Variants in DLG2 observed in about 807,000 individuals in gnomAD.
DLG2 encodes the protein discs large MAGUK scaffold protein 2, also known as disks large homolog 2.
In DLG2, 45 loss-of-function variants were observed where a neutral mutation model predicts 132.5. The observed-to-expected ratio is 0.34, with a 90% CI of 0.27 to 0.44. The LOEUF (loss-of-function observed/expected upper bound fraction) is 0.44. Ranked by LOEUF, DLG2 falls within the 20% of genes least tolerant of loss-of-function variation. DLG2 has a pLI of 1.00. For missense variants in DLG2, 1,045 were observed against 1,196.9 expected (o/e 0.87, Z 1.87); for synonymous variants, 424 against 419.6 (o/e 1.01, Z -0.13).
At chr11:84,599,079 T>C (rs948322818) in intron 6 of DLG2, among the ~76,000 whole-genome samples, 5 of 151,512 alleles carry the variant, frequency 3.3e-5, no homozygotes, top group African/African-American at 1.2e-4. Context: ...ACCCCATCTC[T>C]ACTAAAAATA....
At chr11:84,471,039 C>G (rs2099107131) in intron 7 of DLG2, among the ~76,000 whole-genome samples, 2 of 151,746 alleles carry the variant, frequency 1.3e-5, no homozygotes, top group Non-Finnish European at 3.0e-5. Flanking sequence ...GAGCTAAAAT[C>G]CCCAATAAAC....
chr11:83,821,236 A>G lies in DLG2; in HGVS notation c.1722+12378T>C, dbSNP rs146676883. On this transcript the variant is annotated intron_variant, in intron 17 of 27. Transcript: ENST00000376104. ...GAAAGGGCCAATGCTGCCCTTGGGAATTTGAAAGAGAGAAGCAGCTCATGT... is the reference window on the plus strand; with the variant it reads ...GAAAGGGCCAATGCTGCCCTTGGGAGTTTGAAAGAGAGAAGCAGCTCATGT... Among the ~76,000 whole-genome samples the G allele has an allele frequency of 4.6e-5, 7 of 152,288 alleles. No homozygotes were observed. The East Asian group carries it at 1.4e-3, about 29-fold the overall frequency.
At position 84,978,111 on chromosome 11, in the gene DLG2, C is replaced by G. The variant is rs555479140; in HGVS notation, c.357+133550G>C. Among the ~76,000 whole-genome samples, 96 of 152,198 alleles carry G rather than the reference C, an allele frequency of 6.3e-4. 1 individual carries two copies. Among genetic ancestry groups the G allele is most frequent in the South Asian group, 3.7e-3 (18 of 4,822 alleles). The stretch of plus-strand genomic sequence containing the variant: ...TATTGTTTATATTTGTTAAGGTACA[C>G]TGAAAATGTACTTCAAAATTGCCTA... On this transcript the variant is annotated intron_variant, in intron 6 of 27. Transcript: ENST00000376104.
chr11:85,005,292 C>T (rs2058554105), intron 6 of DLG2, among the ~76,000 whole-genome samples: 1 of 152,224 alleles, frequency 6.6e-6, no homozygotes, highest in African/African-American at 2.4e-5. Flanking sequence ...ATGGGGATAG[C>T]ATCAAATCTA....
chr11:85,025,889 CAATAA>C (rs1304417970), intron 6 of DLG2, among the ~76,000 whole-genome samples: 1 of 151,708 alleles, frequency 6.6e-6, no homozygotes, highest in Non-Finnish European at 1.5e-5. Context: ...AAAAGATAAT[CAATAA>C]ATGTTTTAGA....
intron 9 of DLG2, among the ~76,000 whole-genome samples, chr11:84,118,602 G>A (rs1205694944): frequency 6.6e-6 from 1 of 152,146 alleles, no homozygotes; most frequent in African/African-American, 2.4e-5. Flanking sequence ...TAAATAAACT[G>A]AATTAAAGTG....
At chr11:84,593,871 T>C (rs901334348) in intron 6 of DLG2, among the ~76,000 whole-genome samples, 1 of 152,216 alleles carries the variant, frequency 6.6e-6, no homozygotes, top group Non-Finnish European at 1.5e-5. Context: ...CCATCTTTGA[T>C]AGCATTAGCA....
intron 21 of DLG2, among the ~76,000 whole-genome samples, chr11:83,503,947 A>G (rs911234819): frequency 2.6e-5 from 4 of 152,202 alleles, no homozygotes; most frequent in African/African-American, 4.8e-5. Flanking sequence ...TACACCTAAC[A>G]TAATACAACT....
intron 6 of DLG2, among the ~76,000 whole-genome samples, chr11:84,671,926 C>T (rs1262306996): frequency 6.6e-6 from 1 of 152,058 alleles, no homozygotes; most frequent in Non-Finnish European, 1.5e-5. Flanking sequence ...TTTCTGTGTT[C>T]CCTGGATGGA....
intron 3 of DLG2, among the ~76,000 whole-genome samples, chr11:85,583,843 A>G (rs560085067): frequency 6.6e-6 from 1 of 152,180 alleles, no homozygotes; most frequent in African/African-American, 2.4e-5. Context: ...TACATGCCTC[A>G]GTGTATTGGG....
chr11:84,826,989 T>C (rs1209874832), intron 6 of DLG2, among the ~76,000 whole-genome samples: 2 of 151,798 alleles, frequency 1.3e-5, no homozygotes, highest in Non-Finnish European at 2.9e-5. Context: ...AGAGACTGGA[T>C]TGAAGAGTAT....
intron 21 of DLG2, among the ~76,000 whole-genome samples, chr11:83,498,328 G>C (rs1565484146): frequency 6.6e-6 from 1 of 151,936 alleles, no homozygotes; most frequent in Non-Finnish European, 1.5e-5. Context: ...CCAATTATTA[G>C]AAAATCTTTA....
chr11:85,190,600 G>A (rs1029204249), intron 4 of DLG2, among the ~76,000 whole-genome samples: 1 of 151,852 alleles, frequency 6.6e-6, no homozygotes, highest in Non-Finnish European at 1.5e-5. Context: ...AAATAAACAA[G>A]ATTGATAGAT....
intron 4 of DLG2, among the ~76,000 whole-genome samples, chr11:85,251,532 A>G (rs879472724): frequency 9.9e-5 from 15 of 152,174 alleles, no homozygotes; most frequent in Non-Finnish European, 2.2e-4. Context: ...TGATCATCTT[A>G]AAACACCCTA....
intron 6 of DLG2, among the ~76,000 whole-genome samples, chr11:85,033,916 C>G (rs2061230550): frequency 6.6e-6 from 1 of 151,734 alleles, no homozygotes; most frequent in Non-Finnish European, 1.5e-5. Context: ...AAAAATAAAA[C>G]TTTTTGCAGT....
intron 2 of DLG2, chr11:85,625,161 T>G (rs577279697): frequency 1.3e-5 from 2 of 152,226 alleles, no homozygotes; most frequent in African/African-American, 4.8e-5. Flanking sequence ...CCTTTCACTC[T>G]TTTCCTCTCT....
chr11:85,565,846 T>G (rs576712703), intron 3 of DLG2, among the ~76,000 whole-genome samples: 17 of 152,276 alleles, frequency 1.1e-4, no homozygotes, highest in African/African-American at 3.4e-4. Context: ...TATATATATT[T>G]TCAATTCTCT....
At chr11:84,546,604 C>T (rs1287025136) in intron 6 of DLG2, 3 of 498,352 alleles carry the variant, frequency 6.0e-6, no homozygotes, top group Non-Finnish European at 1.2e-5. Flanking sequence ...CCACGACTCT[C>T]TCATACCTCA....
At chr11:84,832,822 C>A (rs138015129) in intron 6 of DLG2, among the ~76,000 whole-genome samples, 5 of 151,644 alleles carry the variant, frequency 3.3e-5, no homozygotes, top group African/African-American at 1.2e-4. Flanking sequence ...CCCCCCTCCG[C>A]CCCCAGTTTG....
Sources: gnomAD v4.1 joint callset for allele counts (sites outside exome capture counted in the v4.1 genomes callset) on GRCh38, gnomAD v4.1.1 for gene constraint, MANE v1.5 for transcripts, NCBI Gene and HGNC (gene_info 2026-07-23, HGNC 2026-07-21) for gene names.